SLC9A4: variants seen among roughly 807,000 people sequenced by gnomAD.
SLC9A4 encodes the protein sodium/hydrogen exchanger 4.
SLC9A4 carries 63 observed loss-of-function variants against 67.4 expected under a neutral mutation model. That is an observed-to-expected ratio of 0.93 (90% CI 0.76 to 1.15). The LOEUF is 1.15. Among genes scored for constraint, SLC9A4 ranks in the 50% most tolerant of loss-of-function variants. The pLI is 0.00. For synonymous variants in SLC9A4, 393 were observed against 367.2 expected (o/e 1.07, Z -0.80); for missense variants, 1,089 against 987.7 (o/e 1.10, Z -1.38).
At chr2:102,505,590 G>A (rs1218313839) in intron 4 of SLC9A4, 119 bp downstream of exon 4, 1 of 938,518 alleles carries the variant, frequency 1.1e-6, no homozygotes, top group Non-Finnish European at 1.6e-6. Flanking sequence ...ACCGGTTAGG[G>A]TAGACTAGGA....
rs1364059724 is a variant in SLC9A4 at position 102,473,266 on chromosome 2, CAAGCGCAGATCAGGT to C, written c.-492_-478del. 1.3e-5 allele frequency: 2 copies of C among 153,662 alleles called. No individual in the cohort carries two copies. Among genetic ancestry groups the C allele is most frequent in the African/African-American group, 2.4e-5 (1 of 41,440 alleles). 9.5% of individuals were successfully genotyped at this position (153,662 alleles called of 1,614,324 possible). A position where few individuals can be genotyped will look rare whatever the true frequency, so the allele number is the denominator to read the frequency against. On this transcript the variant is annotated 5_prime_UTR_variant, in exon 1 of 12. Transcript: ENST00000295269. ...GAGGACAGGGGGAGGAGAGAAGGAA[CAAGCGCAGATCAGGT>C]AGCTCCTTCTTGGGATCTGATAGAC...
At chr2:102,483,864 CAT>C (rs1684527747) in intron 2 of SLC9A4, among the ~76,000 whole-genome samples, 1 of 144,468 alleles carries the variant, frequency 6.9e-6, no homozygotes, top group Non-Finnish European at 1.5e-5. Flanking sequence ...TATACACACA[CAT>C]GCACATATAT....
intron 2 of SLC9A4, among the ~76,000 whole-genome samples, chr2:102,480,409 G>T (rs1684434370): frequency 6.6e-6 from 1 of 151,422 alleles, no homozygotes; most frequent in African/African-American, 2.4e-5. Flanking sequence ...TGTTGCCCAG[G>T]CTGGAGTGCA....
chr2:102,482,098 C>T lies in SLC9A4; in HGVS notation c.720+2796C>T, dbSNP rs541887057. Among the ~76,000 whole-genome samples the T allele has an allele frequency of 4.6e-5, 7 of 152,292 alleles. No individual in the cohort carries two copies. The South Asian group carries it at 1.0e-3, about 23-fold the overall frequency. On this transcript the variant is annotated intron_variant, in intron 2 of 11. Coordinates refer to ENST00000295269, the MANE Select transcript of SLC9A4 (RefSeq NM_001011552.4). Reference sequence around the variant, plus strand: ...ATCAGGCTGGTGCATTCTACCCTTGCGGGCAAGCTTCACAAAAAGCCACAT... The same window carrying T: ...ATCAGGCTGGTGCATTCTACCCTTGTGGGCAAGCTTCACAAAAAGCCACAT...
Position 102,473,347 on chromosome 2 carries a change from C to T in SLC9A4, c.-413C>T, listed in dbSNP as rs1036155999. On this transcript the variant is annotated 5_prime_UTR_variant, in exon 1 of 12. Transcript: ENST00000295269. ...TCCTCATTAGAAGGACTCCAGTGATCTGTGGAATGAGCACTACAGTATCCT... is the reference window on the plus strand; with the variant it reads ...TCCTCATTAGAAGGACTCCAGTGATTTGTGGAATGAGCACTACAGTATCCT... 6.1e-6 allele frequency: 1 copy of T among 165,012 alleles called. No homozygotes were observed. The highest frequency in any genetic ancestry group is 1.3e-5 in the Non-Finnish European group (1 of 75,998). 10.2% of individuals were successfully genotyped at this position (165,012 alleles called of 1,614,324 possible). A position where few individuals can be genotyped will look rare whatever the true frequency, so the allele number is the denominator to read the frequency against.
At chr2:102,524,897 T>C (rs1321713919) in intron 9 of SLC9A4, 127 bp from the exon 10 acceptor site, 5 of 1,114,288 alleles carry the variant, frequency 4.5e-6, no homozygotes, top group Non-Finnish European at 6.5e-6. Context: ...TCAAGGCAAA[T>C]GCTTAGCTGA....
intron 9 of SLC9A4, among the ~76,000 whole-genome samples, chr2:102,522,241 T>C (rs1044489124): frequency 5.9e-5 from 9 of 152,052 alleles, no homozygotes; most frequent in Non-Finnish European, 1.3e-4. Context: ...TCTACATACT[T>C]TCAAAGGAAA....
rs185938459 is a variant in SLC9A4, at chr2:102,489,969, C to T, written c.720+10667C>T. 9.6e-4 allele frequency among the ~76,000 whole-genome samples: 146 copies of T among 152,242 alleles called. 2 individuals are homozygous for T. Among genetic ancestry groups the T allele is most frequent in the African/African-American group, 3.0e-3 (126 of 41,548 alleles). ...TACAAGCTAGAAAATGAACTGGGTT[C>T]ATCATTTAATTTTTTGAGTCAGGTT... On this transcript the variant is annotated intron_variant, in intron 2 of 11. Transcript: ENST00000295269.
At chr2:102,530,676 G>T (rs746988582) in intron 11 of SLC9A4, among the ~76,000 whole-genome samples, 7 of 152,158 alleles carry the variant, frequency 4.6e-5, no homozygotes, top group Non-Finnish European at 1.0e-4. Flanking sequence ...CCAGGCCATT[G>T]TTTCCTTAGC....
intron 8 of SLC9A4, among the ~76,000 whole-genome samples, chr2:102,519,070 C>T (rs1380682696): frequency 1.2e-4 from 18 of 152,092 alleles, no homozygotes; most frequent in Admixed American, 1.2e-3. Flanking sequence ...ATCATTCTTC[C>T]CCCAGCAATG....
chr2:102,513,162 T>G lies in SLC9A4; in HGVS notation c.1559+889T>G, dbSNP rs189760541. Among the ~76,000 whole-genome samples, 19 of 152,080 alleles carry G rather than the reference T, an allele frequency of 1.2e-4. No homozygotes were observed. In the East Asian group the frequency reaches 1.7e-3, roughly 14 times the overall value. On this transcript the variant is annotated intron_variant, in intron 7 of 11. Transcript: ENST00000295269. ...AATACACAGGAACCGCGGCTTCTCA[T>G]GAGGGCAGAAAACTAGAAGACAGAA...
chr2:102,518,319 G>T (rs988175766), intron 8 of SLC9A4, among the ~76,000 whole-genome samples: 1 of 152,178 alleles, frequency 6.6e-6, no homozygotes, highest in Non-Finnish European at 1.5e-5. Context: ...ACACATAAAT[G>T]GAACTATTTG....
In SLC9A4 at chr2:102,512,662, C is replaced by A. The variant is rs1685188579; in HGVS notation, c.1559+389C>A. The stretch of plus-strand genomic sequence containing the variant: ...TTAGGAATCCTGGCAAGGGATTCCT[C>A]CATTGTTGGGGAGGCCATGGTGGAA... On this transcript the variant is annotated intron_variant, in intron 7 of 11. Transcript: ENST00000295269. 2.6e-5 allele frequency among the ~76,000 whole-genome samples: 4 copies of A among 152,206 alleles called. No individual in the cohort carries two copies. The South Asian group carries it at 8.3e-4, about 32-fold the overall frequency.
At chr2:102,502,962 A>C (rs2104432259) in intron 2 of SLC9A4, among the ~76,000 whole-genome samples, 1 of 152,294 alleles carries the variant, frequency 6.6e-6, no homozygotes, top group Non-Finnish European at 1.5e-5. Flanking sequence ...CTCAGGCAGG[A>C]TCCGCTGGAG....
rs762003986 is a variant in SLC9A4 at position 102,473,936 on chromosome 2, T to G, written c.177T>G (p.Val59=). Residue 59 remains valine, a synonymous_variant, in exon 1 of 12, where the codon GTT becomes GTG. Transcript: ENST00000295269. ...ASSEPEEGIS[V]FELDYDYVQI... is the part of the protein sequence containing the mutation. ...CAGAGCCAGAGGAAGGGATATCTGTTTTTGAACTGGATTATGACTATGTGC... is the reference window on the plus strand; with the variant it reads ...CAGAGCCAGAGGAAGGGATATCTGTGTTTGAACTGGATTATGACTATGTGC... The G allele has an allele frequency of 1.2e-6, 2 of 1,614,078 alleles. No homozygotes were observed.
intron 11 of SLC9A4, among the ~76,000 whole-genome samples, chr2:102,528,859 A>G (rs1674719862): frequency 6.6e-6 from 1 of 152,208 alleles, no homozygotes; most frequent in Admixed American, 6.5e-5. Context: ...AGTCAAAGCC[A>G]TAAAATGCCA....
intron 2 of SLC9A4, among the ~76,000 whole-genome samples, chr2:102,492,373 C>T (rs1684721157): frequency 6.6e-6 from 1 of 152,256 alleles, no homozygotes; most frequent in Admixed American, 6.5e-5. Context: ...TCAGCCTGGA[C>T]ATCCAGGCAT....
intron 7 of SLC9A4, among the ~76,000 whole-genome samples, chr2:102,513,581 A>G (rs532609818): frequency 6.6e-6 from 1 of 152,078 alleles, no homozygotes; most frequent in East Asian, 1.9e-4. Flanking sequence ...TCTTCCCCTT[A>G]ATTGGTAGGA....
At chr2:102,480,833 G>T (rs937309965) in intron 2 of SLC9A4, among the ~76,000 whole-genome samples, 1 of 152,176 alleles carries the variant, frequency 6.6e-6, no homozygotes, top group Non-Finnish European at 1.5e-5. Context: ...CAGTTTATCA[G>T]TCACCTGTAC....
Sources: allele counts gnomAD v4.1 joint callset (sites outside exome capture counted in the v4.1 genomes callset), GRCh38; gene constraint gnomAD v4.1.1; transcripts MANE v1.5; gene names NCBI Gene and HGNC (gene_info 2026-07-23, HGNC 2026-07-21).